Variants in ADGRB1 observed in about 807,000 individuals in gnomAD.
ADGRB1 encodes the protein adhesion G protein-coupled receptor B1, also known as brain-specific angiogenesis inhibitor 1.
In ADGRB1, 36 loss-of-function variants were observed where a neutral mutation model predicts 175.7. The ratio of observed to expected loss-of-function variants is 0.20; its 90% CI spans 0.16 to 0.27. The LOEUF is 0.27. ADGRB1 is among the 10% of genes least tolerant of loss of function. The probability of loss-of-function intolerance (pLI) is 1.00; values close to 1 mark genes in which losing one functional copy is unlikely to be tolerated. For missense variants in ADGRB1, 1,731 were observed against 2,255.3 expected (o/e 0.77, Z 4.71); for synonymous variants, 1,054 against 979.4 (o/e 1.08, Z -1.42).
chr8:142,520,473 ATGG>A (rs1843758949), intron 19 of ADGRB1, among the ~76,000 whole-genome samples: 1 of 2,128 alleles, frequency 4.7e-4, no homozygotes, highest in Non-Finnish European at 1.5e-3. Context: ...GGTGGTGGTG[ATGG>A]TTGTGTGATA....
intron 24 of ADGRB1, among the ~76,000 whole-genome samples, chr8:142,531,870 T>A (rs1035313792): frequency 6.6e-6 from 1 of 151,618 alleles, no homozygotes; most frequent in African/African-American, 2.4e-5. Flanking sequence ...TGCTGAGAGG[T>A]CCTGAGAGAT....
chr8:142,537,754 C>T lies in ADGRB1; in HGVS notation c.3666+672C>T, dbSNP rs1424968690. Among the ~76,000 whole-genome samples, 6 of 152,186 alleles carry T rather than the reference C, an allele frequency of 3.9e-5. No individual in the cohort carries two copies. In the East Asian group the frequency reaches 1.2e-3, roughly 29 times the overall value. On this transcript the variant is annotated intron_variant, in intron 26 of 30. Transcript: ENST00000517894. The surrounding 1 kb of genome is among the most constrained non-coding windows in gnomAD (Gnocchi z 4.6). ...CAGCGTTCCCACGACACGCACAGGT[C>T]CTGGGAGGGCGGCCCAAGTGGCGGT...
At chr8:142,477,073 C>T in intron 4 of ADGRB1, 41 bp from the exon 5 acceptor site, 1 of 1,488,128 alleles carries the variant, frequency 6.7e-7, no homozygotes, top group Non-Finnish European at 8.9e-7. Flanking sequence ...GACTGCAGCC[C>T]CATGGGCGGC....
chr8:142,454,374 C>T (rs1046863618), intron 1 of ADGRB1, among the ~76,000 whole-genome samples: 1 of 152,200 alleles, frequency 6.6e-6, no homozygotes, highest in Non-Finnish European at 1.5e-5. Context: ...TGCCACGGCC[C>T]GAAAACCTGT....
At chr8:142,505,841 G>C (rs945597263) in intron 17 of ADGRB1, among the ~76,000 whole-genome samples, 1 of 152,208 alleles carries the variant, frequency 6.6e-6, no homozygotes, top group African/African-American at 2.4e-5. Context: ...TGGAGGGTGG[G>C]CACTGTGGGG....
chr8:142,462,227 G>C (rs190003440), intron 1 of ADGRB1, among the ~76,000 whole-genome samples: 357 of 152,292 alleles, frequency 2.3e-3, no homozygotes, highest in African/African-American at 7.7e-3. Flanking sequence ...ATGTTTGCCA[G>C]GAATGAGACC....
In ADGRB1 at chr8:142,464,094, G is replaced by GCCCCCACCCGGCCCGCCCAGC; in HGVS notation, c.-97_-96insCGGCCCGCCCAGCCCCCCACC. On this transcript the variant is annotated 5_prime_UTR_variant, in exon 2 of 31. Transcript: ENST00000517894. ...CATCCCACCCTTGCCCCGCCTCCCT[G>GCCCCCACCCGGCCCGCCCAGC]CCCCCACCGGGCCGGCCCTGCCCGC... is the stretch of plus-strand genomic sequence containing the variant. The GCCCCCACCCGGCCCGCCCAGC allele has an allele frequency of 1.6e-6, 1 of 641,524 alleles. No individual in the cohort carries two copies. The highest frequency in any genetic ancestry group is 5.4e-5 in the Admixed American group (1 of 18,548). 39.7% of individuals were successfully genotyped at this position (641,524 alleles called of 1,614,324 possible). A position where few individuals can be genotyped will look rare whatever the true frequency, so the allele number is the denominator to read the frequency against.
chr8:142,530,034 CTG>C (rs756575121), intron 24 of ADGRB1, among the ~76,000 whole-genome samples: 78 of 142,842 alleles, frequency 5.5e-4, no homozygotes, highest in African/African-American at 1.5e-3. Flanking sequence ...GCGTGCATCT[CTG>C]TGTGTGAGTG....
chr8:142,463,385 C>A (rs1024434130), intron 1 of ADGRB1, among the ~76,000 whole-genome samples: 1 of 152,250 alleles, frequency 6.6e-6, no homozygotes, highest in East Asian at 1.9e-4. Context: ...TCTGCACCCC[C>A]TTCCTGCTCT....
At chr8:142,484,582 A>G in intron 12 of ADGRB1, 74 bp from the exon 13 acceptor site, 1 of 1,389,408 alleles carries the variant, frequency 7.2e-7, no homozygotes, top group African/African-American at 1.4e-5. Flanking sequence ...AAGGAGGGAC[A>G]GGGAAGGGAA....
chr8:142,537,194 G>GGGGCCT lies in ADGRB1; in HGVS notation c.3666+112_3666+113insGGGCCT. On this transcript the variant is annotated intron_variant, in intron 26 of 30. Coordinates refer to ENST00000517894, the MANE Select transcript of ADGRB1 (RefSeq NM_001702.3). This position sits in a 1 kb window ranked among gnomAD's most constrained non-coding sequence, Gnocchi z 4.6. ...TCCCCTAGGCCCCAGCAACCCTGCT[G>GGGGCCT]AGAGGAGCTCTGAACCCAGTGTGCA... The GGGGCCT allele has an allele frequency of 1.2e-6, 1 of 825,070 alleles. No individual in the cohort carries two copies. Among genetic ancestry groups the GGGGCCT allele is most frequent in the Non-Finnish European group, 1.8e-6 (1 of 571,260 alleles). The allele number at this position is 825,070 out of a possible 1,614,324, so 51.1% of individuals were successfully genotyped here. A position where few individuals can be genotyped will look rare whatever the true frequency, so the allele number is the denominator to read the frequency against.
chr8:142,534,973 G>T (rs542422756), intron 25 of ADGRB1, among the ~76,000 whole-genome samples: 2 of 152,180 alleles, frequency 1.3e-5, no homozygotes, highest in Non-Finnish European at 2.9e-5. Flanking sequence ...GAGGCCAGGC[G>T]GTTCTTCTTT....
At chr8:142,462,003 G>A (rs1839994809) in intron 1 of ADGRB1, among the ~76,000 whole-genome samples, 1 of 152,192 alleles carries the variant, frequency 6.6e-6, no homozygotes, top group Admixed American at 6.5e-5. Flanking sequence ...CCCTCTCCAT[G>A]AGATGGTGAG....
intron 2 of ADGRB1, among the ~76,000 whole-genome samples, chr8:142,467,564 A>C (rs1328937758): frequency 1.3e-5 from 2 of 152,140 alleles, no homozygotes; most frequent in East Asian, 3.9e-4. Context: ...GTGGGACTTG[A>C]GTGTGAGCTG....
rs1843047759 is a variant in ADGRB1 at position 142,510,698 on chromosome 8, G to T, written c.2676-234G>T. The stretch of plus-strand genomic sequence containing the variant: ...CCCCCGCCCGGCGCTCCCTCGGGCT[G>T]CGCTCCGCGGCTCTCGGCGGCGGCG... On this transcript the variant is annotated intron_variant, in intron 17 of 30. Transcript: ENST00000517894. The surrounding 1 kb of genome is among the most constrained non-coding windows in gnomAD (Gnocchi z 6.3). Among the ~76,000 whole-genome samples the T allele has an allele frequency of 6.9e-6, 1 of 145,604 alleles. No homozygotes were observed. Among genetic ancestry groups the T allele is most frequent in the South Asian group, 2.1e-4 (1 of 4,790 alleles).
chr8:142,510,916 T>TTGCCCCCCCC lies in ADGRB1; in HGVS notation c.2676-16_2676-15insTGCCCCCCCC. 1.0e-6 allele frequency: 1 copy of TTGCCCCCCCC among 969,740 alleles called. No individual in the cohort carries two copies. Among genetic ancestry groups the TTGCCCCCCCC allele is most frequent in the Non-Finnish European group, 1.3e-6 (1 of 789,300 alleles). The allele number at this position is 969,740 out of a possible 1,614,324, so 60.1% of individuals were successfully genotyped here. A position where few individuals can be genotyped will look rare whatever the true frequency, so the allele number is the denominator to read the frequency against. On this transcript the variant is annotated splice_polypyrimidine_tract_variant and intron_variant, in intron 17 of 30. Coordinates refer to ENST00000517894, the MANE Select transcript of ADGRB1 (RefSeq NM_001702.3). The surrounding 1 kb of genome is among the most constrained non-coding windows in gnomAD (Gnocchi z 6.3). Reference sequence around the variant, plus strand: ...ACGCTCCGCCTGTCTCCCTCCCGTGTCCCGCCCGCCCCCAGACCCTCCTCC... The same window carrying TTGCCCCCCCC: ...ACGCTCCGCCTGTCTCCCTCCCGTGTTGCCCCCCCCCCCGCCCGCCCCCAGACCCTCCTCC...
At chr8:142,468,698 C>T (rs1034178057) in intron 2 of ADGRB1, among the ~76,000 whole-genome samples, 13 of 152,228 alleles carry the variant, frequency 8.5e-5, no homozygotes, top group East Asian at 7.7e-4. Context: ...GCAGGGCTCC[C>T]GCCTTCCAGT....
intron 17 of ADGRB1, among the ~76,000 whole-genome samples, chr8:142,505,057 T>TGGTGGGTG (rs567858185): frequency 8.5e-5 from 1 of 11,738 alleles, no homozygotes; most frequent in African/African-American, 4.1e-4. Context: ...GGCTCTGGCT[T>TGGTGGGTG]GGTGGGTGGG....
At chr8:142,485,475 G>C (rs1043079662) in intron 13 of ADGRB1, among the ~76,000 whole-genome samples, 14 of 152,194 alleles carry the variant, frequency 9.2e-5, no homozygotes, top group Admixed American at 9.2e-4. Flanking sequence ...AGGATCGCTT[G>C]AGCCCAGGAG....
Sources: gnomAD v4.1 joint callset for allele counts (sites outside exome capture counted in the v4.1 genomes callset) on GRCh38, gnomAD v4.1.1 for gene constraint, Gnocchi (gnomAD v3.1) non-coding constraint, MANE v1.5 for transcripts, NCBI Gene and HGNC (gene_info 2026-07-23, HGNC 2026-07-21) for gene names.